The following ASAP2 variants were observed in gnomAD, a reference collection of about 807,000 sequenced individuals.
The protein encoded by ASAP2 is arf-GAP with SH3 domain, ANK repeat and PH domain-containing protein 2.
ASAP2 carries 45 observed loss-of-function variants against 131.4 expected under a neutral mutation model. That is an observed-to-expected ratio of 0.34 (90% confidence interval 0.27 to 0.44). The LOEUF is 0.44. Ranked by LOEUF, ASAP2 falls within the 20% of genes least tolerant of loss-of-function variation. The pLI is 1.00. For missense variants in ASAP2, 1,011 were observed against 1,297.0 expected, an observed-to-expected ratio of 0.78 and a Z score of 3.39; for synonymous variants, 510 against 503.0, an observed-to-expected ratio of 1.01 and a Z score of -0.19.
chr2:9,213,726 T>C (rs2147943144), intron 1 of ASAP2, among the ~76,000 whole-genome samples: 1 of 152,250 alleles, frequency 6.6e-6, no homozygotes, highest in Non-Finnish European at 1.5e-5. Flanking sequence ...GTAGACCCAA[T>C]AGAACTCCTG....
intron 9 of ASAP2, among the ~76,000 whole-genome samples, chr2:9,336,853 A>T (rs1240950527): frequency 6.6e-6 from 1 of 152,226 alleles, no homozygotes; most frequent in African/African-American, 2.4e-5. Flanking sequence ...CACCGTTGGA[A>T]ATGATCGAGA....
At chr2:9,288,205 A>G (rs79533074) in intron 2 of ASAP2, among the ~76,000 whole-genome samples, 5,138 of 152,302 alleles carry the variant, frequency 0.034, 207 homozygotes, top group African/African-American at 0.09. Flanking sequence ...CTACCAAGCA[A>G]AAAAGCTCAG....
At chr2:9,399,022 G>C (rs1329670154) in intron 24 of ASAP2, 1 of 152,212 alleles carries the variant, frequency 6.6e-6, no homozygotes, top group Non-Finnish European at 1.5e-5. Context: ...CAAATGGCTA[G>C]ACTGGTCAAA....
At position 9,274,776 on chromosome 2, in the gene ASAP2, C is replaced by G. The variant is rs571401059; in HGVS notation, c.127-4541C>G. Among the ~76,000 whole-genome samples the G allele has an allele frequency of 2.3e-3, 357 of 152,230 alleles. 1 individual carries two copies. Among genetic ancestry groups the G allele is most frequent in the Non-Finnish European group, 2.4e-3 (163 of 68,008 alleles). On this transcript the variant is annotated intron_variant, in intron 1 of 27. Coordinates refer to ENST00000281419, the MANE Select transcript of ASAP2 (RefSeq NM_003887.3). The stretch of plus-strand genomic sequence containing the variant: ...AATTTTAATTAAAAATTACCTCTTC[C>G]ACCTACCTCACCTTTATTTCTAATC...
intron 3 of ASAP2, among the ~76,000 whole-genome samples, chr2:9,308,889 C>T (rs1329197749): frequency 6.6e-6 from 1 of 152,134 alleles, no homozygotes; most frequent in Non-Finnish European, 1.5e-5. Flanking sequence ...TTTATTCAGG[C>T]CATTTTAGTC....
At position 9,358,014 on chromosome 2, in the gene ASAP2, T is replaced by C. The variant is rs80288965; in HGVS notation, c.1328-742T>C. Among the ~76,000 whole-genome samples, 1,008 of 152,292 alleles carry C rather than the reference T, an allele frequency of 6.6e-3. 11 individuals carry two copies. The highest frequency in any genetic ancestry group is 0.023 in the African/African-American group (955 of 41,552). On this transcript the variant is annotated intron_variant, in intron 14 of 27. Transcript: ENST00000281419. ...TTGTGGGTCCCTATCATCTGCTAAA[T>C]GTATGGTAGGTCATGTTAGTGAGTA...
chr2:9,216,453 A>ATTTTTTTT (rs999787414), intron 1 of ASAP2, among the ~76,000 whole-genome samples: 1 of 85,418 alleles, frequency 1.2e-5, no homozygotes, highest in Non-Finnish European at 2.3e-5. Context: ...TGCCTGTTTA[A>ATTTTTTTT]TTTTTTTTTT....
chr2:9,323,091 A>T (rs762702580), intron 5 of ASAP2, 30 bp from the exon 6 acceptor site: 2 of 1,613,706 alleles, frequency 1.2e-6, no homozygotes, highest in Non-Finnish European at 1.7e-6. Context: ...GCCAACAGGC[A>T]TCTTGATGTA....
chr2:9,388,684 A>G (rs1341398941), intron 22 of ASAP2, 138 bp downstream of exon 22: 31 of 1,285,192 alleles, frequency 2.4e-5, no homozygotes, highest in African/African-American at 4.6e-5. Flanking sequence ...TGCTTCCTAA[A>G]GGGATTCCAT....
Position 9,397,727 on chromosome 2 carries a change from G to GAGATATATATATAT in ASAP2, c.2685-2295_2685-2294insGATATATATATATA, listed in dbSNP as rs897153464. Among the ~76,000 whole-genome samples the GAGATATATATATAT allele has an allele frequency of 4.4e-4, 37 of 83,522 alleles. 3 individuals carry two copies. Among genetic ancestry groups the GAGATATATATATAT allele is most frequent in the African/African-American group, 2.2e-3 (28 of 12,986 alleles). The allele number at this position is 83,522 out of a possible 152,430, so 54.8% of individuals were successfully genotyped here. ...TTGGTTGGGAAAAAAAAATCAAAAG[G>GAGATATATATATAT]ATATATATATATATATATATATATT... On this transcript the variant is annotated intron_variant, in intron 24 of 27. Coordinates refer to ENST00000281419, the MANE Select transcript of ASAP2 (RefSeq NM_003887.3).
chr2:9,399,834 G>T, intron 24 of ASAP2, 189 bp from the exon 25 acceptor site: 3 of 619,658 alleles, frequency 4.8e-6, no homozygotes, highest in Non-Finnish European at 8.4e-6. Context: ...CAGAAACGTT[G>T]AATTTAGCAC....
chr2:9,374,711 T>G (rs753355128), intron 16 of ASAP2, 44 bp from the exon 17 acceptor site: 1 of 1,538,178 alleles, frequency 6.5e-7, no homozygotes, highest in Admixed American at 1.9e-5. Flanking sequence ...GGACGGCGGG[T>G]AGAAGCCCTT....
chr2:9,244,583 A>C (rs1411586329), intron 1 of ASAP2, among the ~76,000 whole-genome samples: 1 of 152,164 alleles, frequency 6.6e-6, no homozygotes, highest in Non-Finnish European at 1.5e-5. Context: ...TTAAATACCA[A>C]ACTTAGTTCA....
chr2:9,258,236 C>G (rs1429519490), intron 1 of ASAP2, among the ~76,000 whole-genome samples: 1 of 117,224 alleles, frequency 8.5e-6, no homozygotes, highest in East Asian at 2.1e-4. Flanking sequence ...CAGAGCGATA[C>G]TTCATCTCAA....
rs941064841 is a variant in ASAP2, at chr2:9,378,878, C to T, written c.1833-66C>T. The T allele has an allele frequency of 2.0e-5, 24 of 1,188,114 alleles. No individual in the cohort carries two copies. In the African/African-American group the frequency reaches 2.0e-4, roughly 10 times the overall value. The allele number at this position is 1,188,114 out of a possible 1,614,324, so 73.6% of individuals were successfully genotyped here. Reference sequence around the variant, plus strand: ...TGTGCCCGTAGCCCAGGCTCCCTGCCGGGCAGTCCCTGGTCGTCCAGCCTG... The same window carrying T: ...TGTGCCCGTAGCCCAGGCTCCCTGCTGGGCAGTCCCTGGTCGTCCAGCCTG... On this transcript the variant is annotated intron_variant, in intron 18 of 27. Coordinates refer to ENST00000281419, the MANE Select transcript of ASAP2 (RefSeq NM_003887.3).
At chr2:9,286,093 C>A (rs1257607801) in intron 2 of ASAP2, among the ~76,000 whole-genome samples, 1 of 152,096 alleles carries the variant, frequency 6.6e-6, no homozygotes, top group African/African-American at 2.4e-5. Flanking sequence ...AATGAAGTTT[C>A]ACTGTGCATT....
chr2:9,383,268 A>G (rs1329351517), intron 20 of ASAP2, among the ~76,000 whole-genome samples: 1 of 151,876 alleles, frequency 6.6e-6, no homozygotes, highest in Non-Finnish European at 1.5e-5. Flanking sequence ...GCAGTAAACA[A>G]TTTTTTTAAA....
chr2:9,231,869 C>T (rs1028361346), intron 1 of ASAP2, among the ~76,000 whole-genome samples: 2 of 152,150 alleles, frequency 1.3e-5, no homozygotes, highest in Admixed American at 6.5e-5. Context: ...TGGGCTGTGC[C>T]CCTCCCACCC....
intron 2 of ASAP2, among the ~76,000 whole-genome samples, chr2:9,296,374 G>A (rs1227349955): frequency 2.6e-5 from 4 of 152,282 alleles, no homozygotes; most frequent in South Asian, 4.1e-4. Context: ...GAGATGGGAC[G>A]GTGGTGTCTA....
Sources: allele counts gnomAD v4.1 joint callset (sites outside exome capture counted in the v4.1 genomes callset), GRCh38; gene constraint gnomAD v4.1.1; transcripts MANE v1.5; gene names NCBI Gene and HGNC (gene_info 2026-07-23, HGNC 2026-07-21).